MYO5C: variants seen among roughly 807,000 people sequenced by gnomAD.
The protein encoded by MYO5C is myosin VC, also known as unconventional myosin-Vc.
In MYO5C, 194 loss-of-function variants were observed where a neutral mutation model predicts 235.7. The ratio of observed to expected loss-of-function variants is 0.82; its 90% confidence interval spans 0.73 to 0.93. MYO5C has a LOEUF of 0.93. Among genes scored for constraint, MYO5C ranks in the 40% least tolerant of loss-of-function variants. The pLI is 0.00. For missense variants in MYO5C, 2,038 were observed against 2,127.2 expected (o/e 0.96, Z 0.82); for synonymous variants, 707 against 754.8 (o/e 0.94, Z 1.04).
chr15:52,195,709 C>T (rs1436571279), intron 39 of MYO5C, among the ~76,000 whole-genome samples: 4 of 152,156 alleles, frequency 2.6e-5, no homozygotes, highest in African/African-American at 7.2e-5. Flanking sequence ...CCACCTCCCA[C>T]ATGGCCACCC....
intron 1 of MYO5C, among the ~76,000 whole-genome samples, chr15:52,290,393 A>G (rs1440476771): frequency 6.6e-6 from 1 of 152,108 alleles, no homozygotes; most frequent in Non-Finnish European, 1.5e-5. Context: ...AATTAGCCAA[A>G]TTAAAAAAAA....
At chr15:52,197,018 G>C (rs2035068856) in intron 38 of MYO5C, among the ~76,000 whole-genome samples, 1 of 152,184 alleles carries the variant, frequency 6.6e-6, no homozygotes. Context: ...AGAGTGTTGA[G>C]AACCCTCAAA....
At position 52,260,939 on chromosome 15, in the gene MYO5C, G is replaced by C. The variant is rs1321569996; in HGVS notation, c.1236C>G (p.Phe412Leu). 6.2e-7 allele frequency: 1 copy of C among 1,614,218 alleles called. No homozygotes were observed. Among genetic ancestry groups the C allele is most frequent in the East Asian group, 2.2e-5 (1 of 44,888 alleles). ...AKKIYAHLFD[F>L]IVERINQALQ... is the part of the protein sequence containing the mutation. ...ACGCTTGGTTAATTCTCTCCACAAT[G>C]AAGTCGAACAGGTGAGCATAGATCT... The change falls in exon 10 of 41, where the codon TTC (phenylalanine) becomes TTG (leucine). Residue 412 changes from phenylalanine to leucine, a missense_variant. By Grantham distance (22) the Phe-to-Leu change is conservative (BLOSUM62 0). Coordinates refer to ENST00000261839, the MANE Select transcript of MYO5C (RefSeq NM_018728.4).
At chr15:52,201,969 CAA>C (rs2035198081) in intron 38 of MYO5C, among the ~76,000 whole-genome samples, 1 of 142,286 alleles carries the variant, frequency 7.0e-6, no homozygotes, top group Non-Finnish European at 1.5e-5. Flanking sequence ...TAAAAAATTT[CAA>C]ATAACCCAAA....
At chr15:52,208,794 CTTATA>C (rs1169507790) in intron 35 of MYO5C, 151 bp from the exon 36 acceptor site, 1 of 588,560 alleles carries the variant, frequency 1.7e-6, no homozygotes, top group African/African-American at 1.9e-5. Context: ...CTTATAAGAA[CTTATA>C]TTTATTTAAT....
intron 10 of MYO5C, among the ~76,000 whole-genome samples, chr15:52,258,615 T>A (rs2036628445): frequency 6.6e-6 from 1 of 152,196 alleles, no homozygotes; most frequent in Non-Finnish European, 1.5e-5. Flanking sequence ...GTTGCAGGTA[T>A]GCCTAGGCGA....
chr15:52,235,562 A>T, intron 23 of MYO5C, 108 bp downstream of exon 23: 1 of 794,938 alleles, frequency 1.3e-6, no homozygotes, highest in Non-Finnish European at 1.9e-6. Context: ...TGCCTCACTA[A>T]ACTAAGTGTA....
chr15:52,225,063 A>C lies in MYO5C; in HGVS notation c.3365+12T>G. 6.2e-7 allele frequency: 1 copy of C among 1,613,992 alleles called. No individual in the cohort carries two copies. Among genetic ancestry groups the C allele is most frequent in the Non-Finnish European group, 8.5e-7 (1 of 1,179,924 alleles). ...CATGTCTTAAAATGTTTGATAATGCAAAAATGATTACCTGCTTCTTACATC... is the reference window on the plus strand; with the variant it reads ...CATGTCTTAAAATGTTTGATAATGCCAAAATGATTACCTGCTTCTTACATC... On this transcript the variant is annotated intron_variant, in intron 27 of 40. Coordinates refer to ENST00000261839, the MANE Select transcript of MYO5C (RefSeq NM_018728.4).
At position 52,244,355 on chromosome 15, in the gene MYO5C, C is replaced by G. The variant is rs748703696; in HGVS notation, c.2390+1G>C. On this transcript the variant is annotated splice_donor_variant, in intron 19 of 40. Coordinates refer to ENST00000261839, the MANE Select transcript of MYO5C (RefSeq NM_018728.4). LOFTEE classifies it high-confidence loss of function. ...ACATGTGTTCCTTGATTCCAACATA[C>G]CTCACAGTTTGCTGACCCCGGAAGT... 5 of 1,612,104 alleles carry G rather than the reference C, an allele frequency of 3.1e-6. No individual in the cohort carries two copies. Among genetic ancestry groups the G allele is most frequent in the Non-Finnish European group, 4.2e-6 (5 of 1,179,222 alleles).
chr15:52,227,533 CAG>C (rs2035857227), intron 25 of MYO5C, among the ~76,000 whole-genome samples: 1 of 151,888 alleles, frequency 6.6e-6, no homozygotes, highest in Non-Finnish European at 1.5e-5. Flanking sequence ...GAGAGTGAAC[CAG>C]TCTTAGCTAC....
intron 38 of MYO5C, among the ~76,000 whole-genome samples, chr15:52,202,279 C>A (rs7181580): frequency 0.23 from 35,459 of 151,950 alleles, 4,499 homozygotes; most frequent in Admixed American, 0.34. Flanking sequence ...CAGGAGGCTG[C>A]GGCAGAAGAA....
Position 52,235,692 on chromosome 15 carries a change from T to G in MYO5C, c.2940A>C (p.Gln980His). The G allele has an allele frequency of 6.2e-7, 1 of 1,612,360 alleles. No homozygotes were observed. The highest frequency in any genetic ancestry group is 1.1e-5 in the South Asian group (1 of 90,468). The change falls in exon 23 of 41, where the codon CAA becomes CAC. Residue 980 changes from glutamine (Q) to histidine (H), a missense_variant. Gln to His is a conservative substitution (Grantham distance 24). Transcript: ENST00000261839. The stretch of plus-strand genomic sequence containing the variant: ...TACCTTTTAACTCTTCAGTCTTCTC[T>G]TGAAGCTTCAGCTGTATTTGTTCTT... ...TQKEQIQLKL[Q>H]EKTEELKEKM...
rs1416970482 is a variant in MYO5C, at chr15:52,248,930, G to T, written c.1663-147C>A. The T allele has an allele frequency of 4.8e-6, 3 of 623,984 alleles. No homozygotes were observed. In the African/African-American group the frequency reaches 5.5e-5, roughly 12 times the overall value. The allele number at this position is 623,984 out of a possible 1,614,324, so 38.7% of individuals were successfully genotyped here. A position where few individuals can be genotyped will look rare whatever the true frequency, so the allele number is the denominator to read the frequency against. On this transcript the variant is annotated intron_variant, in intron 13 of 40. Transcript: ENST00000261839. ...AGACGTCTGGCTTCTGTGCATCATG[G>T]CAGCAGCCCCATTATGTATAAGCTG...
chr15:52,199,238 C>T (rs1414784126), intron 38 of MYO5C, among the ~76,000 whole-genome samples: 3 of 152,266 alleles, frequency 2.0e-5, no homozygotes, highest in East Asian at 3.9e-4. Flanking sequence ...GCTCCCATCT[C>T]AGCCCTTCTA....
At chr15:52,196,551 A>G (rs2035057095) in intron 38 of MYO5C, 68 bp from the exon 39 acceptor site, 6 of 1,456,404 alleles carry the variant, frequency 4.1e-6, no homozygotes, top group Non-Finnish European at 5.6e-6. Flanking sequence ...GTGTGTCCCG[A>G]GAGGGTACCA....
chr15:52,237,245 T>C (rs1366074111), intron 22 of MYO5C: 2 of 384,694 alleles, frequency 5.2e-6, no homozygotes, highest in Non-Finnish European at 9.0e-6. Context: ...TTGCAAAACT[T>C]GAAAGAAAGA....
At chr15:52,261,742 C>T (rs1484694375) in intron 9 of MYO5C, among the ~76,000 whole-genome samples, 1 of 152,182 alleles carries the variant, frequency 6.6e-6, no homozygotes, top group African/African-American at 2.4e-5. Flanking sequence ...CCCCGCTGGT[C>T]AGCAGATGAA....
intron 9 of MYO5C, among the ~76,000 whole-genome samples, chr15:52,261,957 A>G (rs1459773565): frequency 6.6e-6 from 1 of 152,198 alleles, no homozygotes; most frequent in Non-Finnish European, 1.5e-5. Flanking sequence ...CCATGGAAAC[A>G]GTCCTGCCCC....
chr15:52,226,908 G>A (rs2035836491), intron 25 of MYO5C, among the ~76,000 whole-genome samples: 2 of 152,124 alleles, frequency 1.3e-5, no homozygotes, highest in South Asian at 4.1e-4. Context: ...AGCACTTTGG[G>A]AGGCTAGTGC....
Sources: allele counts gnomAD v4.1 joint callset (sites outside exome capture counted in the v4.1 genomes callset), GRCh38; gene constraint gnomAD v4.1.1; transcripts MANE v1.5; gene names NCBI Gene and HGNC (gene_info 2026-07-23, HGNC 2026-07-21).